The following MYO10 variants were observed in gnomAD, a reference collection of about 807,000 sequenced individuals.
The protein encoded by MYO10 is myosin X.
In MYO10, 133 loss-of-function variants were observed where a neutral mutation model predicts 257.3. The observed-to-expected ratio is 0.52, with a 90% CI of 0.45 to 0.60. The LOEUF (loss-of-function observed/expected upper bound fraction) is 0.60, where lower values mean the gene tolerates loss of function less well. MYO10 is among the 20% of genes least tolerant of loss of function. MYO10 has a pLI of 0.00. For missense variants in MYO10, 2,399 were observed against 2,635.7 expected, an observed-to-expected ratio of 0.91 and a Z score of 1.97; for synonymous variants, 1,104 against 1,028.6, an observed-to-expected ratio of 1.07 and a Z score of -1.40.
At chr5:16,723,408 A>G (rs1424175457) in intron 19 of MYO10, among the ~76,000 whole-genome samples, 1 of 152,142 alleles carries the variant, frequency 6.6e-6, no homozygotes, top group Non-Finnish European at 1.5e-5. Context: ...AAAAAAAATT[A>G]AAACGATAAT....
chr5:16,847,009 G>T (rs111280049), intron 2 of MYO10, among the ~76,000 whole-genome samples: 3,348 of 152,180 alleles, frequency 0.022, 60 homozygotes, highest in Admixed American at 0.032. Context: ...TCCCAGCTAT[G>T]CGGGAGGTTA....
At chr5:16,774,394 A>G (rs890735213) in intron 9 of MYO10, among the ~76,000 whole-genome samples, 1 of 152,162 alleles carries the variant, frequency 6.6e-6, no homozygotes, top group Non-Finnish European at 1.5e-5. Flanking sequence ...GTAATAATTT[A>G]TTACATCATG....
chr5:16,886,198 A>T (rs1457620445), intron 1 of MYO10, among the ~76,000 whole-genome samples: 1 of 152,244 alleles, frequency 6.6e-6, no homozygotes, highest in Non-Finnish European at 1.5e-5. Flanking sequence ...GGAGATGGCA[A>T]GTCAAAGCTC....
intron 3 of MYO10, among the ~76,000 whole-genome samples, chr5:16,805,015 C>T (rs1008317615): frequency 1.1e-4 from 16 of 152,338 alleles, no homozygotes; most frequent in Middle Eastern, 6.8e-3. Context: ...CTTCAATTTG[C>T]ATGGATGACT....
At chr5:16,844,937 T>TACACAC (rs758225533) in intron 2 of MYO10, among the ~76,000 whole-genome samples, 13 of 145,088 alleles carry the variant, frequency 9.0e-5, no homozygotes, top group African/African-American at 3.2e-4. Context: ...TAATTCCAGA[T>TACACAC]ACACACACAC....
intron 2 of MYO10, among the ~76,000 whole-genome samples, chr5:16,866,906 C>T (rs1267846080): frequency 6.6e-6 from 1 of 152,216 alleles, no homozygotes; most frequent in Non-Finnish European, 1.5e-5. Context: ...TTCCCGGGAA[C>T]CTGGAGCTGC....
intron 36 of MYO10, 105 bp downstream of exon 36, chr5:16,673,577 T>C (rs776097378): frequency 2.4e-6 from 3 of 1,258,536 alleles, no homozygotes; most frequent in African/African-American, 1.5e-5. Flanking sequence ...CTAAGCAAAC[T>C]GCAACTGTGC....
At chr5:16,760,418 GC>G (rs1362288917) in intron 17 of MYO10, among the ~76,000 whole-genome samples, 1 of 148,678 alleles carries the variant, frequency 6.7e-6, no homozygotes, top group Non-Finnish European at 1.5e-5. Flanking sequence ...CCGAGATTGC[GC>G]CACTGCACTC....
intron 2 of MYO10, among the ~76,000 whole-genome samples, chr5:16,870,206 C>T (rs1348641323): frequency 8.7e-6 from 1 of 114,558 alleles, no homozygotes; most frequent in Non-Finnish European, 1.8e-5. Flanking sequence ...AAAGGAAAAG[C>T]TTCGAAGTGC....
Position 16,702,561 on chromosome 5 carries a change from G to C in MYO10, c.2538C>G (p.Ala846=). 1 of 1,591,220 alleles carries C rather than the reference G, an allele frequency of 6.3e-7. No homozygotes were observed. Among genetic ancestry groups the C allele is most frequent in the Non-Finnish European group, 8.6e-7 (1 of 1,168,316 alleles). Residue 846 remains alanine (A), a synonymous_variant, in exon 24 of 41, where the codon GCC becomes GCG. Coordinates refer to ENST00000513610, the MANE Select transcript of MYO10 (RefSeq NM_012334.3). ...TCATTACCTGCTGGGCGCGGAGCTC[G>C]GCTTCTCTTCGCTCTCTCTCTCTTT... ...ERERERERRE[A]ELRAQQEEET...
At chr5:16,868,330 C>T (rs1744344112) in intron 2 of MYO10, among the ~76,000 whole-genome samples, 1 of 152,174 alleles carries the variant, frequency 6.6e-6, no homozygotes, top group Non-Finnish European at 1.5e-5. Flanking sequence ...TTCAGCTGGG[C>T]ACGGTGGCTC....
At chr5:16,745,157 T>A (rs1224028967) in intron 19 of MYO10, among the ~76,000 whole-genome samples, 1 of 151,092 alleles carries the variant, frequency 6.6e-6, no homozygotes, top group Admixed American at 6.6e-5. Context: ...CTGGCCAACA[T>A]GGTGAAACCC....
intron 2 of MYO10, among the ~76,000 whole-genome samples, chr5:16,832,416 AAAAAACAAC>A (rs1743188618): frequency 6.6e-6 from 1 of 152,138 alleles, no homozygotes; most frequent in Non-Finnish European, 1.5e-5. Context: ...AACAGCTTTC[AAAAAACAAC>A]AAAAACAAAA....
rs373855667 is a variant in MYO10, at chr5:16,681,414, C to T, written c.4279G>A (p.Asp1427Asn). ...RWFVLTHNSL[D>N]YYKSSEKNAL... ...TTCTTCTCTGAACTCTTGTAGTAAT[C>T]CAGGGAATTGTGGGTGAGTACAAAC... Residue 1427 changes from aspartate to asparagine, a missense_variant, in exon 32 of 41, where the codon GAT becomes AAT. Asp to Asn is a conservative substitution (Grantham distance 23). Transcript: ENST00000513610. 3.1e-6 allele frequency: 5 copies of T among 1,613,816 alleles called. No individual in the cohort carries two copies. Among genetic ancestry groups the T allele is most frequent in the Non-Finnish European group, 4.2e-6 (5 of 1,179,870 alleles).
chr5:16,790,714 T>C (rs1741724834), intron 4 of MYO10, among the ~76,000 whole-genome samples: 1 of 152,258 alleles, frequency 6.6e-6, no homozygotes, highest in East Asian at 1.9e-4. Context: ...CTTTTGTAAA[T>C]TGCCCAGTCT....
At chr5:16,884,800 C>A (rs978074575) in intron 1 of MYO10, among the ~76,000 whole-genome samples, 4 of 152,030 alleles carry the variant, frequency 2.6e-5, no homozygotes, top group African/African-American at 9.7e-5. Flanking sequence ...AGTTTCTCCA[C>A]CTCGGTGCTA....
rs55880979 is a variant in MYO10, at chr5:16,778,688, G to GTTTTTTTT, written c.930+849_930+856dup. On this transcript the variant is annotated intron_variant, in intron 9 of 40. Coordinates refer to ENST00000513610, the MANE Select transcript of MYO10 (RefSeq NM_012334.3). ...CAGGAACACCTCTCGCTTTGCTGAG[G>GTTTTTTTT]TTTTTTTTTTTTTTTTTTTTTTGAG... is the stretch of plus-strand genomic sequence containing the variant. 1.9e-3 allele frequency among the ~76,000 whole-genome samples: 204 copies of GTTTTTTTT among 107,504 alleles called. 4 individuals are homozygous for GTTTTTTTT. Among genetic ancestry groups the GTTTTTTTT allele is most frequent in the African/African-American group, 7.2e-3 (195 of 27,266 alleles). 70.5% of individuals were successfully genotyped at this position (107,504 alleles called of 152,430 possible).
intron 24 of MYO10, 24 bp downstream of exon 24, chr5:16,702,519 C>T (rs1208027147): frequency 3.8e-6 from 6 of 1,582,294 alleles, no homozygotes; most frequent in Admixed American, 1.8e-5. Context: ...ACACAAGAGG[C>T]TAAGTTGTCA....
At chr5:16,799,561 C>T (rs928977744) in intron 3 of MYO10, among the ~76,000 whole-genome samples, 4 of 151,724 alleles carry the variant, frequency 2.6e-5, no homozygotes, top group Admixed American at 6.6e-5. Flanking sequence ...GGCACAATCT[C>T]GGCTCACTGC....
Sources: allele counts gnomAD v4.1 joint callset (sites outside exome capture counted in the v4.1 genomes callset), GRCh38; gene constraint gnomAD v4.1.1; transcripts MANE v1.5; gene names NCBI Gene and HGNC (gene_info 2026-07-23, HGNC 2026-07-21).